MROH2A: variants seen among roughly 807,000 people sequenced by gnomAD.
MROH2A encodes maestro heat like repeat family member 2A.
A neutral mutation model predicts 200.4 loss-of-function variants in MROH2A; 174 were observed. The ratio of observed to expected loss-of-function variants is 0.87; its 90% CI spans 0.77 to 0.98. MROH2A has a LOEUF of 0.98. MROH2A is among the 50% of genes least tolerant of loss of function. The pLI is 0.00. For synonymous variants in MROH2A, 829 were observed against 840.4 expected, an observed-to-expected ratio of 0.99 and a Z score of 0.23; for missense variants, 2,045 against 2,139.6, an observed-to-expected ratio of 0.96 and a Z score of 0.87.
intron 19 of MROH2A, among the ~76,000 whole-genome samples, chr2:233,806,013 C>T (rs1702770414): frequency 6.6e-6 from 1 of 152,084 alleles, no homozygotes. Context: ...GCAAAGCCTT[C>T]TTAGAGATGA....
chr2:233,803,124 T>C (rs2126130461), intron 15 of MROH2A, among the ~76,000 whole-genome samples: 1 of 152,216 alleles, frequency 6.6e-6, no homozygotes, highest in South Asian at 2.1e-4. Context: ...TACTTTTGGC[T>C]CAACAGAGGA....
intron 24 of MROH2A, among the ~76,000 whole-genome samples, chr2:233,813,365 T>C (rs541280479): frequency 1.3e-5 from 2 of 152,326 alleles, no homozygotes; most frequent in South Asian, 4.1e-4. Flanking sequence ...GATTCCATAG[T>C]TGCAGTCGGC....
intron 11 of MROH2A, among the ~76,000 whole-genome samples, chr2:233,796,879 C>T (rs1456455375): frequency 6.6e-6 from 1 of 152,188 alleles, no homozygotes; most frequent in Non-Finnish European, 1.5e-5. Context: ...ACAAATTGGG[C>T]AACTGTATGT....
rs557426644 is a variant in MROH2A, at chr2:233,829,696, A to G, written c.4523A>G (p.His1508Arg). The change falls in exon 38 of 42, where the codon CAT (histidine) becomes CGT (arginine). Residue 1508 changes from histidine (H) to arginine (R), a missense_variant. Physicochemically the swap from His to Arg is conservative, Grantham distance 29. Transcript: ENST00000389758. ...AGGGTGGTCGGGATGTCCAAGAAGC[A>G]TTTCTTCAAAGGGGAGGTGAAGAAG... ...LARVVGMSKK[H>R]FFKGEVKKAW... 3 of 1,496,540 alleles carry G rather than the reference A, an allele frequency of 2.0e-6. No homozygotes were observed. The highest frequency in any genetic ancestry group is 2.3e-5 in the Admixed American group (1 of 44,198). The allele number at this position is 1,496,540 out of a possible 1,614,324, so 92.7% of individuals were successfully genotyped here.
chr2:233,785,165 C>A (rs1359500299), intron 3 of MROH2A, among the ~76,000 whole-genome samples: 2 of 150,440 alleles, frequency 1.3e-5, no homozygotes, highest in Non-Finnish European at 3.0e-5. Context: ...AAAATGTAGG[C>A]TTTGTTTTTA....
At chr2:233,810,764 C>T in intron 22 of MROH2A, 30 bp from the exon 23 acceptor site, 1 of 1,548,144 alleles carries the variant, frequency 6.5e-7, no homozygotes. Context: ...CACAAACATT[C>T]TCTCCCTCCT....
chr2:233,810,010 C>G (rs1703050991), intron 22 of MROH2A, among the ~76,000 whole-genome samples: 1 of 152,112 alleles, frequency 6.6e-6, no homozygotes, highest in African/African-American at 2.4e-5. Context: ...GATAGTTGTC[C>G]TTGTGTGTCT....
intron 3 of MROH2A, among the ~76,000 whole-genome samples, chr2:233,781,601 GT>G (rs1700958763): frequency 6.6e-6 from 1 of 152,024 alleles, no homozygotes; most frequent in East Asian, 1.9e-4. Flanking sequence ...CTATTGAGTT[GT>G]TTGAGCTCCT....
chr2:233,819,532 A>G lies in MROH2A; in HGVS notation c.3357+63A>G, dbSNP rs1000547755. 6 of 1,494,786 alleles carry G rather than the reference A, an allele frequency of 4.0e-6. No homozygotes were observed. In the African/African-American group the frequency reaches 8.3e-5, roughly 21 times the overall value. 92.6% of individuals were successfully genotyped at this position (1,494,786 alleles called of 1,614,324 possible). A position where few individuals can be genotyped will look rare whatever the true frequency, so the allele number is the denominator to read the frequency against. On this transcript the variant is annotated intron_variant, in intron 30 of 41. Coordinates refer to ENST00000389758, the MANE Select transcript of MROH2A (RefSeq NM_001394639.1). ...TGGGGCTGCCTGGTGTGCCCAGATG[A>G]GAGGGAAGGACGAGGGCCTCACCAG...
At chr2:233,818,312 CAGA>C (rs1703686646) in intron 28 of MROH2A, among the ~76,000 whole-genome samples, 187 bp downstream of exon 28, 1 of 152,116 alleles carries the variant, frequency 6.6e-6, no homozygotes, top group South Asian at 2.1e-4. Context: ...TGGAAGCTTC[CAGA>C]AGGAGAGGTT....
chr2:233,823,768 C>T (rs534591031), intron 35 of MROH2A, 104 bp downstream of exon 35: 171 of 1,410,190 alleles, frequency 1.2e-4, no homozygotes, highest in Non-Finnish European at 1.6e-4. Flanking sequence ...GTCGGGGGGA[C>T]AGGCGAGCGC....
In MROH2A at chr2:233,795,980, C is replaced by T. The variant is rs1019130190; in HGVS notation, c.1073C>T (p.Ala358Val). ...TELHVQVCNK[A>V]PAQHQYSSQN... ...GTCCCTCACCAGGTGTGCAACAAGG[C>T]CCCGGCCCAGCATCAGTACAGCAGC... Residue 358 changes from alanine to valine, a missense_variant, in exon 10 of 42, where the codon GCC becomes GTC. Physicochemically the swap from Ala to Val is moderately conservative, Grantham distance 64 (BLOSUM62 0). Around this residue, in one of 3 missense-constraint regions of MROH2A, gnomAD observed 831 missense variants for 800.0 expected, o/e 1.04. Coordinates refer to ENST00000389758, the MANE Select transcript of MROH2A (RefSeq NM_001394639.1). The T allele has an allele frequency of 2.6e-6, 4 of 1,550,582 alleles. No individual in the cohort carries two copies. Among genetic ancestry groups the T allele is most frequent in the Non-Finnish European group, 2.6e-6 (3 of 1,146,966 alleles).
chr2:233,802,235 G>A lies in MROH2A; in HGVS notation c.1628G>A (p.Cys543Tyr). 2 of 1,550,512 alleles carry A rather than the reference G, an allele frequency of 1.3e-6. No homozygotes were observed. Among genetic ancestry groups the A allele is most frequent in the Non-Finnish European group, 1.7e-6 (2 of 1,146,888 alleles). Residue 543 changes from cysteine to tyrosine, a missense_variant, in exon 15 of 42, where the codon TGT becomes TAT. Coordinates refer to ENST00000389758, the MANE Select transcript of MROH2A (RefSeq NM_001394639.1). ...TACGTGGAAGCTTTGACTCCTATCTGTATCAGCCTCACAAACCTGGCAGAA... is the reference window on the plus strand; with the variant it reads ...TACGTGGAAGCTTTGACTCCTATCTATATCAGCCTCACAAACCTGGCAGAA... Reference protein sequence around the residue: ...TDYVEALTPICISLTNLAEHQ... With the variant: ...TDYVEALTPIYISLTNLAEHQ...
intron 3 of MROH2A, among the ~76,000 whole-genome samples, chr2:233,787,997 A>ATATATACATATATAT (rs1559437565): frequency 9.3e-4 from 17 of 18,240 alleles, no homozygotes; most frequent in African/African-American, 3.2e-3. Flanking sequence ...TACATATATT[A>ATATATACATATATAT]TATATATACA....
At chr2:233,792,691 G>A in intron 5 of MROH2A, 105 bp from the exon 6 acceptor site, 2 of 705,566 alleles carry the variant, frequency 2.8e-6, no homozygotes, top group Middle Eastern at 2.4e-4. Flanking sequence ...GCCAGCTCTG[G>A]ACTGTTAGGG....
At chr2:233,791,645 CG>C (rs1163868884) in intron 5 of MROH2A, among the ~76,000 whole-genome samples, 15 of 152,002 alleles carry the variant, frequency 9.9e-5, no homozygotes, top group Admixed American at 9.2e-4. Context: ...GGACCCAGCC[CG>C]GAGGGGTCCT....
chr2:233,787,323 G>A (rs527989162), intron 3 of MROH2A, among the ~76,000 whole-genome samples: 6 of 150,856 alleles, frequency 4.0e-5, no homozygotes, highest in African/African-American at 1.5e-4. Context: ...TCAATGGGGT[G>A]ATATTGCCCC....
At position 233,805,130 on chromosome 2, in the gene MROH2A, A is replaced by C; in HGVS notation, c.2052+19A>C. ...GGAGAAGGTTTGTCTTCATAGGGAC[A>C]GGAGAGTTTGGACAAGGAGTAGACT... is the stretch of plus-strand genomic sequence containing the variant. On this transcript the variant is annotated intron_variant, in intron 19 of 41. Coordinates refer to ENST00000389758, the MANE Select transcript of MROH2A (RefSeq NM_001394639.1). The C allele has an allele frequency of 6.6e-7, 1 of 1,518,560 alleles. No homozygotes were observed. The highest frequency in any genetic ancestry group is 8.9e-7 in the Non-Finnish European group (1 of 1,119,270). 94.1% of individuals were successfully genotyped at this position (1,518,560 alleles called of 1,614,324 possible).
At chr2:233,785,271 C>A (rs1301973842) in intron 3 of MROH2A, among the ~76,000 whole-genome samples, 1 of 152,036 alleles carries the variant, frequency 6.6e-6, no homozygotes, top group African/African-American at 2.4e-5. Flanking sequence ...AGTGCAAGAC[C>A]AGCCTGGGTA....
Sources: allele counts gnomAD v4.1 joint callset (sites outside exome capture counted in the v4.1 genomes callset), GRCh38; gene constraint gnomAD v4.1.1; regional missense constraint gnomAD v4.1.1; transcripts MANE v1.5; gene names NCBI Gene and HGNC (gene_info 2026-07-23, HGNC 2026-07-21).